PTTG1IP: variants seen among roughly 807,000 people sequenced by gnomAD.
The protein encoded by PTTG1IP is pituitary tumor-transforming gene 1 protein-interacting protein.
A neutral mutation model predicts 24.4 loss-of-function variants in PTTG1IP; 16 were observed. That is an observed-to-expected ratio of 0.66 (90% CI 0.44 to 1.00). The LOEUF is 1.00. Ranked by LOEUF, PTTG1IP falls within the 50% of genes least tolerant of loss-of-function variation. The pLI is 0.00. For synonymous variants in PTTG1IP, 89 were observed against 96.8 expected, an observed-to-expected ratio of 0.92 and a Z score of 0.47; for missense variants, 241 against 245.8, an observed-to-expected ratio of 0.98 and a Z score of 0.13.
chr21:44,856,079 T>C, intron 4 of PTTG1IP, 114 bp downstream of exon 4: 1 of 1,595,864 alleles, frequency 6.3e-7, no homozygotes, highest in Non-Finnish European at 8.6e-7. Context: ...CTATACACAT[T>C]CTTAATTTCT....
At position 44,865,412 on chromosome 21, in the gene PTTG1IP, A is replaced by G. The variant is rs758698293; in HGVS notation, c.151T>C (p.Cys51Arg). ...CTACTTACGGAGACGTTCTTCAGGCACTCTTCACAGGTTTTGTTTGTGTTC... is the reference window on the plus strand; with the variant it reads ...CTACTTACGGAGACGTTCTTCAGGCGCTCTTCACAGGTTTTGTTTGTGTTC... Reference protein sequence around the residue: ...SQNTNKTCEECLKNVSCLWCN... With the variant: ...SQNTNKTCEERLKNVSCLWCN... Residue 51 changes from cysteine to arginine, a missense_variant, in exon 2 of 6, where the codon TGC (cysteine) becomes CGC (arginine). By Grantham distance (180) the Cys-to-Arg change is radical. Transcript: ENST00000330938. 6.2e-7 allele frequency: 1 copy of G among 1,614,054 alleles called. No individual in the cohort carries two copies. The highest frequency in any genetic ancestry group is 8.5e-7 in the Non-Finnish European group (1 of 1,180,000).
chr21:44,858,458 C>T (rs2083465282), intron 3 of PTTG1IP, among the ~76,000 whole-genome samples: 1 of 152,212 alleles, frequency 6.6e-6, no homozygotes, highest in East Asian at 1.9e-4. Flanking sequence ...TCTTCCTCCT[C>T]CCGGCAGGGC....
At chr21:44,868,478 A>AGAAGTGGGGCAGGAAGT (rs2083559911) in intron 1 of PTTG1IP, among the ~76,000 whole-genome samples, 2 of 152,200 alleles carry the variant, frequency 1.3e-5, no homozygotes, top group Admixed American at 6.5e-5. Context: ...GGCTGATTCC[A>AGAAGTGGGGCAGGAAGT]GAAGTGGGGC....
rs75702558 is a variant in PTTG1IP at position 44,854,328 on chromosome 21, T to G, written c.496+882A>C. On this transcript the variant is annotated intron_variant, in intron 5 of 5. Transcript: ENST00000330938. Reference sequence around the variant, plus strand: ...TTAGGTTTAGCCTTTAATATACTGCTTCAAGGAAAGCACCGTGGGCGCAGG... The same window carrying G: ...TTAGGTTTAGCCTTTAATATACTGCGTCAAGGAAAGCACCGTGGGCGCAGG... Among the ~76,000 whole-genome samples, 51 of 152,366 alleles carry G rather than the reference T, an allele frequency of 3.3e-4. No individual in the cohort carries two copies. The East Asian group carries it at 7.7e-3, about 23-fold the overall frequency.
intron 2 of PTTG1IP, chr21:44,861,600 T>A: frequency 1.5e-6 from 1 of 653,222 alleles, no homozygotes. Context: ...GCTCTCAGCC[T>A]CAGCTCAGCC....
At chr21:44,865,535 GGGGTGT>G in intron 1 of PTTG1IP, 88 bp from the exon 2 acceptor site, 16 of 1,351,110 alleles carry the variant, frequency 1.2e-5, no homozygotes, top group Non-Finnish European at 1.6e-5. Flanking sequence ...GCACCAGTGA[GGGGTGT>G]GGCACCAAGA....
chr21:44,865,512 C>G (rs2083528976), intron 1 of PTTG1IP, 65 bp from the exon 2 acceptor site: 1 of 1,556,308 alleles, frequency 6.4e-7, no homozygotes, highest in East Asian at 2.2e-5. Context: ...ATTAGTCCAG[C>G]AGGGCAGGGT....
intron 1 of PTTG1IP, among the ~76,000 whole-genome samples, chr21:44,867,753 C>T (rs963243675): frequency 1.3e-5 from 2 of 152,116 alleles, no homozygotes; most frequent in Non-Finnish European, 2.9e-5. Flanking sequence ...TATACAAGCG[C>T]GCACCACAAA....
At chr21:44,865,111 G>A (rs2838716) in intron 2 of PTTG1IP, among the ~76,000 whole-genome samples, 46,067 of 152,188 alleles carry the variant, frequency 0.3, 10,262 homozygotes, top group African/African-American at 0.63. Flanking sequence ...TTCTCGCTAT[G>A]GGCCTCGTTA....
chr21:44,868,612 T>C (rs1208552597), intron 1 of PTTG1IP, among the ~76,000 whole-genome samples: 1 of 152,054 alleles, frequency 6.6e-6, no homozygotes, highest in African/African-American at 2.4e-5. Flanking sequence ...CTGGGCCAAG[T>C]GAACATCAAA....
chr21:44,851,180 C>T lies in PTTG1IP; in HGVS notation c.*401G>A, dbSNP rs1056797575. ...GTTCTCCTCATGACAAAAGTCAAACCGACTTCCCTGTGTTGCGTGTGAAGC... is the reference window on the plus strand; with the variant it reads ...GTTCTCCTCATGACAAAAGTCAAACTGACTTCCCTGTGTTGCGTGTGAAGC... On this transcript the variant is annotated 3_prime_UTR_variant, in exon 6 of 6. Transcript: ENST00000330938. 4.2e-5 allele frequency: 31 copies of T among 735,132 alleles called. No individual in the cohort carries two copies. The highest frequency in any genetic ancestry group is 6.6e-5 in the Non-Finnish European group (31 of 472,564). The allele number at this position is 735,132 out of a possible 1,614,324, so 45.5% of individuals were successfully genotyped here. A position where few individuals can be genotyped will look rare whatever the true frequency, so the allele number is the denominator to read the frequency against.
In PTTG1IP at chr21:44,864,302, G is replaced by A. The variant is rs145914216; in HGVS notation, c.168+1093C>T. ...TGGGTGCTGCCGAACCAAGAGCTGC[G>A]TGGCAAGGCAAGCCCAAGAGGTGCC... On this transcript the variant is annotated intron_variant, in intron 2 of 5. Coordinates refer to ENST00000330938, the MANE Select transcript of PTTG1IP (RefSeq NM_004339.4). Among the ~76,000 whole-genome samples the A allele has an allele frequency of 7.1e-3, 1,077 of 152,364 alleles. 11 individuals carry two copies. The highest frequency in any genetic ancestry group is 0.019 in the African/African-American group (805 of 41,576).
At chr21:44,867,930 C>T (rs2083555329) in intron 1 of PTTG1IP, among the ~76,000 whole-genome samples, 1 of 152,248 alleles carries the variant, frequency 6.6e-6, no homozygotes, top group Non-Finnish European at 1.5e-5. Context: ...CTACACTCCA[C>T]TTTTCTGAAT....
chr21:44,862,863 G>C (rs1484625815), intron 2 of PTTG1IP, among the ~76,000 whole-genome samples: 1 of 152,130 alleles, frequency 6.6e-6, no homozygotes, highest in Non-Finnish European at 1.5e-5. Flanking sequence ...GGTTTTGCTT[G>C]CAATTAACGA....
intron 3 of PTTG1IP, 29 bp from the exon 4 acceptor site, chr21:44,856,393 C>T (rs781071421): frequency 6.3e-7 from 1 of 1,588,762 alleles, no homozygotes; most frequent in Middle Eastern, 1.7e-4. Context: ...GGAGTTAGGG[C>T]CGCCCCAGAC....
chr21:44,856,788 T>C (rs906988885), intron 3 of PTTG1IP, among the ~76,000 whole-genome samples: 1 of 151,554 alleles, frequency 6.6e-6, no homozygotes, highest in African/African-American at 2.4e-5. Context: ...TGCAGCTTTC[T>C]TTTTTTTTAT....
chr21:44,857,730 C>G (rs1250635550), intron 3 of PTTG1IP, among the ~76,000 whole-genome samples: 1 of 152,208 alleles, frequency 6.6e-6, no homozygotes, highest in African/African-American at 2.4e-5. Flanking sequence ...TCTGCTGCCC[C>G]GGACGCTGAG....
At chr21:44,863,892 A>G (rs1429175672) in intron 2 of PTTG1IP, among the ~76,000 whole-genome samples, 1 of 152,196 alleles carries the variant, frequency 6.6e-6, no homozygotes, top group Non-Finnish European at 1.5e-5. Context: ...CTCGTGGAGG[A>G]AGAAGAGTTT....
intron 3 of PTTG1IP, among the ~76,000 whole-genome samples, chr21:44,859,280 G>A (rs1284022403): frequency 7.2e-5 from 11 of 152,244 alleles, no homozygotes; most frequent in South Asian, 4.1e-4. Context: ...GGCTCCCATG[G>A]GGGTCCTGAC....
Sources: allele counts gnomAD v4.1 joint callset (sites outside exome capture counted in the v4.1 genomes callset), GRCh38; gene constraint gnomAD v4.1.1; transcripts MANE v1.5; gene names NCBI Gene and HGNC (gene_info 2026-07-23, HGNC 2026-07-21).